The following AGO3 variants were observed in gnomAD, a reference collection of about 807,000 sequenced individuals.
The protein encoded by AGO3 is protein argonaute-3.
AGO3 carries 16 observed loss-of-function variants against 105.5 expected under a neutral mutation model. The observed-to-expected ratio is 0.15, with a 90% CI of 0.10 to 0.23. The LOEUF (loss-of-function observed/expected upper bound fraction) is 0.23. Among genes scored for constraint, AGO3 ranks in the 10% least tolerant of loss-of-function variants. The pLI is 1.00. For synonymous variants in AGO3, 340 were observed against 367.3 expected, an observed-to-expected ratio of 0.93 and a Z score of 0.85; for missense variants, 534 against 1,088.0, an observed-to-expected ratio of 0.49 and a Z score of 7.16.
At chr1:35,963,289 A>G (rs1021762585) in intron 2 of AGO3, among the ~76,000 whole-genome samples, 5 of 152,216 alleles carry the variant, frequency 3.3e-5, no homozygotes, top group African/African-American at 1.2e-4. Flanking sequence ...ACTTTGCATC[A>G]ATCAGAAACA....
chr1:36,041,613 T>C (rs144023758), intron 16 of AGO3, among the ~76,000 whole-genome samples: 6 of 152,308 alleles, frequency 3.9e-5, no homozygotes, highest in Non-Finnish European at 8.8e-5. Flanking sequence ...TGATCACATC[T>C]GCCCCCATCC....
chr1:35,967,045 C>A lies in AGO3; in HGVS notation c.282C>A (p.Thr94=). Reference sequence around the variant, plus strand: ...ATGATGGAAAAAGAAGTCTTTACACCGCCAATCCACTTCCTGTGGCAACTA... The same window carrying A: ...ATGATGGAAAAAGAAGTCTTTACACAGCCAATCCACTTCCTGTGGCAACTA... The part of the protein sequence containing the change: ...PVYDGKRSLY[T]ANPLPVATTG... The change falls in exon 3 of 19, where the codon ACC becomes ACA. Residue 94 remains threonine (T), a synonymous_variant. Transcript: ENST00000373191. 1 of 1,613,454 alleles carries A rather than the reference C, an allele frequency of 6.2e-7. No individual in the cohort carries two copies. Among genetic ancestry groups the A allele is most frequent in the Non-Finnish European group, 8.5e-7 (1 of 1,179,802 alleles).
chr1:35,933,099 C>A (rs1022843792), intron 1 of AGO3, among the ~76,000 whole-genome samples: 2 of 151,930 alleles, frequency 1.3e-5, no homozygotes, highest in Non-Finnish European at 2.9e-5. Context: ...AAATGGATAC[C>A]CATTTAGCTG....
At chr1:36,034,891 C>G (rs1363116609) in intron 13 of AGO3, among the ~76,000 whole-genome samples, 1 of 152,202 alleles carries the variant, frequency 6.6e-6, no homozygotes, top group Non-Finnish European at 1.5e-5. Flanking sequence ...ACTGTTAGAT[C>G]ACCCTTCTTA....
intron 5 of AGO3, among the ~76,000 whole-genome samples, chr1:36,001,648 AATC>A (rs1474929984): frequency 6.6e-6 from 1 of 152,232 alleles, no homozygotes; most frequent in Non-Finnish European, 1.5e-5. Flanking sequence ...TAATTTTTAA[AATC>A]ATGATAAAAT....
At chr1:36,048,044 A>C (rs1293308908) in intron 17 of AGO3, among the ~76,000 whole-genome samples, 1 of 152,184 alleles carries the variant, frequency 6.6e-6, no homozygotes, top group Non-Finnish European at 1.5e-5. Flanking sequence ...GAATTCTAAA[A>C]ACAACAGAAA....
At position 35,977,076 on chromosome 1, in the gene AGO3, C is replaced by T. The variant is rs562444162; in HGVS notation, c.658+3565C>T. Among the ~76,000 whole-genome samples, 8 of 150,334 alleles carry T rather than the reference C, an allele frequency of 5.3e-5. No individual in the cohort carries two copies. In the South Asian group the frequency reaches 1.1e-3, roughly 21 times the overall value. ...TGTGAAAATCAGTCTAATAATTTAT[C>T]GTACAATTAAAAATAACTAAAAATA... On this transcript the variant is annotated intron_variant, in intron 5 of 18. Coordinates refer to ENST00000373191, the MANE Select transcript of AGO3 (RefSeq NM_024852.4).
chr1:35,972,010 T>C lies in AGO3; in HGVS notation c.313-14T>C. 6.2e-7 allele frequency: 1 copy of C among 1,608,638 alleles called. No homozygotes were observed. Among genetic ancestry groups the C allele is most frequent in the South Asian group, 1.1e-5 (1 of 90,934 alleles). ...TTTTCAACATTTACCAGTTGACTCTTTTCCCATCAACAGGTAGATTTAGAC... is the reference window on the plus strand; with the variant it reads ...TTTTCAACATTTACCAGTTGACTCTCTTCCCATCAACAGGTAGATTTAGAC... On this transcript the variant is annotated splice_polypyrimidine_tract_variant and intron_variant, in intron 3 of 18. Transcript: ENST00000373191.
At chr1:35,978,920 CATA>C (rs1255837860) in intron 5 of AGO3, among the ~76,000 whole-genome samples, 1 of 152,102 alleles carries the variant, frequency 6.6e-6, no homozygotes, top group African/African-American at 2.4e-5. Flanking sequence ...ACTAGAAATA[CATA>C]ATATTATTTT....
chr1:35,967,441 G>T (rs1348468208), intron 3 of AGO3, among the ~76,000 whole-genome samples: 1 of 151,622 alleles, frequency 6.6e-6, no homozygotes, highest in Admixed American at 6.6e-5. Context: ...TTGAGACAGG[G>T]TCTCGCTTTG....
intron 2 of AGO3, among the ~76,000 whole-genome samples, chr1:35,953,361 A>G (rs912321468): frequency 1.3e-5 from 2 of 152,006 alleles, no homozygotes; most frequent in East Asian, 3.9e-4. Flanking sequence ...CCAATATGTT[A>G]TTATTTGTCT....
At chr1:36,024,600 A>G (rs188690349) in intron 11 of AGO3, among the ~76,000 whole-genome samples, 6 of 152,244 alleles carry the variant, frequency 3.9e-5, no homozygotes, top group African/African-American at 1.4e-4. Flanking sequence ...ATGAAAGAAC[A>G]CCACCTCTAT....
intron 5 of AGO3, among the ~76,000 whole-genome samples, chr1:35,986,547 G>C (rs140528109): frequency 6.6e-6 from 1 of 152,070 alleles, no homozygotes; most frequent in Non-Finnish European, 1.5e-5. Flanking sequence ...ACATTAGCCA[G>C]GTGTGGTAGT....
chr1:35,985,863 A>G (rs995656468), intron 5 of AGO3, among the ~76,000 whole-genome samples: 13 of 152,234 alleles, frequency 8.5e-5, no homozygotes, highest in Non-Finnish European at 4.4e-5. Context: ...AGAACTTTAC[A>G]AAATATAAGA....
Position 36,009,199 on chromosome 1 carries a change from C to T in AGO3, c.1029+155C>T, listed in dbSNP as rs181254063. 4.2e-4 allele frequency among the ~76,000 whole-genome samples: 64 copies of T among 151,920 alleles called. 1 individual carries two copies. The East Asian group carries it at 4.9e-3, about 12-fold the overall frequency. ...CTAAATTTTCTGTAATGAAATAACACGAAACAAGTTCATCCATAATCCTAC... is the reference window on the plus strand; with the variant it reads ...CTAAATTTTCTGTAATGAAATAACATGAAACAAGTTCATCCATAATCCTAC... On this transcript the variant is annotated intron_variant, in intron 8 of 18. Transcript: ENST00000373191.
intron 12 of AGO3, among the ~76,000 whole-genome samples, chr1:36,028,391 T>TCCCCCCCCCCCCCCCCCCCCC (rs771926822): frequency 3.5e-5 from 2 of 57,178 alleles, no homozygotes; most frequent in African/African-American, 6.8e-5. Flanking sequence ...ATGCTATCCC[T>TCCCCCCCCCCCCCCCCCCCCC]CCCCCCCCCC....
At chr1:35,976,131 C>T (rs1193502092) in intron 5 of AGO3, among the ~76,000 whole-genome samples, 3 of 151,972 alleles carry the variant, frequency 2.0e-5, no homozygotes, top group Non-Finnish European at 4.4e-5. Flanking sequence ...GATGGGGTTT[C>T]ACCATGTTGG....
At chr1:35,949,393 T>G (rs1192445815) in intron 2 of AGO3, among the ~76,000 whole-genome samples, 1 of 152,240 alleles carries the variant, frequency 6.6e-6, no homozygotes, top group Admixed American at 6.5e-5. Context: ...TGTCTTCAGT[T>G]TTTACAGTAT....
In AGO3 at chr1:35,989,719, A is replaced by G. The variant is rs145316049; in HGVS notation, c.659-14622A>G. Among the ~76,000 whole-genome samples, 11 of 152,200 alleles carry G rather than the reference A, an allele frequency of 7.2e-5. No homozygotes were observed. The East Asian group carries it at 1.9e-3, about 27-fold the overall frequency. ...GTGAAACCCTGTCTCTACAAAAAAT[A>G]TAAAAATTAGCCAGGCGTGATAGCA... is the stretch of plus-strand genomic sequence containing the variant. On this transcript the variant is annotated intron_variant, in intron 5 of 18. Coordinates refer to ENST00000373191, the MANE Select transcript of AGO3 (RefSeq NM_024852.4).
Sources: allele counts gnomAD v4.1 joint callset (sites outside exome capture counted in the v4.1 genomes callset), GRCh38; gene constraint gnomAD v4.1.1; transcripts MANE v1.5; gene names NCBI Gene and HGNC (gene_info 2026-07-23, HGNC 2026-07-21).